RIMS2: variants seen among roughly 807,000 people sequenced by gnomAD.
The protein encoded by RIMS2 is regulating synaptic membrane exocytosis protein 2.
A neutral mutation model predicts 174.4 loss-of-function variants in RIMS2; 59 were observed. That is an observed-to-expected ratio of 0.34 (90% CI 0.27 to 0.42). RIMS2 has a LOEUF of 0.42. Ranked by LOEUF, RIMS2 falls within the 10% of genes least tolerant of loss-of-function variation. RIMS2 has a pLI of 1.00. For synonymous variants in RIMS2, 606 were observed against 572.5 expected, an observed-to-expected ratio of 1.06 and a Z score of -0.84; for missense variants, 1,620 against 1,666.3, an observed-to-expected ratio of 0.97 and a Z score of 0.48.
At chr8:103,618,864 T>G (rs1399850564) in intron 1 of RIMS2, among the ~76,000 whole-genome samples, 1 of 152,110 alleles carries the variant, frequency 6.6e-6, no homozygotes, top group African/African-American at 2.4e-5. Flanking sequence ...AAACCTATTT[T>G]CACTCGTGGT....
rs188683078 is a variant in RIMS2 at position 104,237,097 on chromosome 8, A to T, written c.3335-7819A>T. Reference sequence around the variant, plus strand: ...AATCTGAATTTTAAGAAAAATGATTAAAATTTCTTTAAGCATGCTTATAAA... The same window carrying T: ...AATCTGAATTTTAAGAAAAATGATTTAAATTTCTTTAAGCATGCTTATAAA... On this transcript the variant is annotated intron_variant, in intron 19 of 23. Coordinates refer to ENST00000504942, the Ensembl canonical transcript of RIMS2. Among the ~76,000 whole-genome samples the T allele has an allele frequency of 1.3e-3, 195 of 152,316 alleles. 1 individual carries two copies. The highest frequency in any genetic ancestry group is 2.2e-3 in the Non-Finnish European group (150 of 68,018).
At chr8:103,788,931 G>GGC (rs1248354278) in intron 3 of RIMS2, among the ~76,000 whole-genome samples, 50 of 152,324 alleles carry the variant, frequency 3.3e-4, no homozygotes, top group African/African-American at 1.2e-3. Context: ...AGACTCCGTG[G>GGC]GCGTTGGACC....
At chr8:104,062,392 G>C (rs2097016492) in intron 19 of RIMS2, among the ~76,000 whole-genome samples, 1 of 152,100 alleles carries the variant, frequency 6.6e-6, no homozygotes, top group South Asian at 2.1e-4. Flanking sequence ...TGGCAACAGA[G>C]CAAAACTCCA....
At chr8:103,595,123 T>C (rs73701882) in intron 1 of RIMS2, among the ~76,000 whole-genome samples, 5,547 of 151,940 alleles carry the variant, frequency 0.037, 323 homozygotes, top group African/African-American at 0.12. Context: ...CTGATATATG[T>C]AATTCTTATT....
At chr8:104,013,898 C>T (rs2095832226) in intron 18 of RIMS2, among the ~76,000 whole-genome samples, 1 of 152,160 alleles carries the variant, frequency 6.6e-6, no homozygotes, top group Non-Finnish European at 1.5e-5. Flanking sequence ...CTGTCATGTT[C>T]CTCTCCTACA....
chr8:104,176,939 A>T (rs2135735046), intron 19 of RIMS2, among the ~76,000 whole-genome samples: 1 of 152,200 alleles, frequency 6.6e-6, no homozygotes, highest in South Asian at 2.1e-4. Context: ...TATTTGACAT[A>T]TGTAAGAAAG....
At chr8:103,753,512 G>A (rs2139832101) in intron 2 of RIMS2, among the ~76,000 whole-genome samples, 1 of 152,286 alleles carries the variant, frequency 6.6e-6, no homozygotes, top group South Asian at 2.1e-4. Context: ...AGAAGGAATG[G>A]TACCAGTTCC....
chr8:103,742,056 A>C lies in RIMS2; in HGVS notation c.388-24171A>C, dbSNP rs1373272464. On this transcript the variant is annotated intron_variant, in intron 2 of 23. Coordinates refer to ENST00000504942, the Ensembl canonical transcript of RIMS2. ...CTGTATTAATAATAGTTCCCATGTT[A>C]ATGGTAGCATCTGATACTCCAATCA... is the stretch of plus-strand genomic sequence containing the variant. Among the ~76,000 whole-genome samples the C allele has an allele frequency of 6.6e-5, 10 of 152,190 alleles. No individual in the cohort carries two copies. The South Asian group carries it at 1.9e-3, about 28-fold the overall frequency.
intron 14 of RIMS2, among the ~76,000 whole-genome samples, chr8:103,959,555 C>T (rs145815137): frequency 4.0e-5 from 6 of 151,894 alleles, no homozygotes; most frequent in Admixed American, 2.0e-4. Flanking sequence ...AGGTGCATGC[C>T]GCCATGCCTG....
intron 1 of RIMS2, among the ~76,000 whole-genome samples, chr8:103,587,768 T>C (rs1178979804): frequency 6.6e-6 from 1 of 152,050 alleles, no homozygotes; most frequent in Non-Finnish European, 1.5e-5. Flanking sequence ...TTCAACATAA[T>C]AAAAGCCACA....
intron 15 of RIMS2, among the ~76,000 whole-genome samples, chr8:103,974,908 T>C (rs2093281409): frequency 6.6e-6 from 1 of 152,194 alleles, no homozygotes; most frequent in Admixed American, 6.5e-5. Flanking sequence ...GCATGTTTTC[T>C]AAAACTTTTT....
chr8:103,849,528 T>C (rs936117385), intron 3 of RIMS2, among the ~76,000 whole-genome samples: 1 of 152,002 alleles, frequency 6.6e-6, no homozygotes, highest in Non-Finnish European at 1.5e-5. Flanking sequence ...GTTTTTTGAG[T>C]GTAAATTGCA....
intron 1 of RIMS2, among the ~76,000 whole-genome samples, chr8:103,515,851 A>G (rs1828712841): frequency 6.6e-6 from 1 of 152,030 alleles, no homozygotes; most frequent in African/African-American, 2.4e-5. Flanking sequence ...TGCAGGACAA[A>G]TATCTTTTTA....
chr8:103,802,964 A>G (rs1268284051), intron 3 of RIMS2, among the ~76,000 whole-genome samples: 1 of 152,208 alleles, frequency 6.6e-6, no homozygotes, highest in Non-Finnish European at 1.5e-5. Context: ...TCATAATAAC[A>G]TGAATTCAGC....
chr8:103,628,810 C>A (rs1327115544), intron 1 of RIMS2, among the ~76,000 whole-genome samples: 2 of 145,292 alleles, frequency 1.4e-5, no homozygotes, highest in African/African-American at 5.1e-5. Flanking sequence ...GCTAAAGGAC[C>A]AGAAAAAGGA....
At chr8:103,508,995 G>T (rs1825138317) in intron 1 of RIMS2, among the ~76,000 whole-genome samples, 1 of 151,998 alleles carries the variant, frequency 6.6e-6, no homozygotes. Flanking sequence ...AAGTCATCTG[G>T]TCCTAGGACC....
At chr8:104,198,038 A>G (rs987985709) in intron 19 of RIMS2, among the ~76,000 whole-genome samples, 2 of 152,156 alleles carry the variant, frequency 1.3e-5, no homozygotes, top group Admixed American at 1.3e-4. Context: ...ACCTATGTTA[A>G]TTGTGATTCA....
intron 17 of RIMS2, among the ~76,000 whole-genome samples, chr8:103,990,444 C>A (rs2094608545): frequency 6.6e-6 from 1 of 151,940 alleles, no homozygotes; most frequent in African/African-American, 2.4e-5. Context: ...ATTAATACTG[C>A]TTTTAGTGAT....
intron 2 of RIMS2, among the ~76,000 whole-genome samples, chr8:103,700,919 C>T (rs78770392): frequency 0.026 from 3,879 of 152,090 alleles, 54 homozygotes; most frequent in African/African-American, 0.031. Context: ...TTCTATGTTA[C>T]TGGTGTCATA....
Sources: gnomAD v4.1 joint callset for allele counts (sites outside exome capture counted in the v4.1 genomes callset) on GRCh38, gnomAD v4.1.1 for gene constraint, MANE v1.5 for transcripts, NCBI Gene and HGNC (gene_info 2026-07-23, HGNC 2026-07-21) for gene names.